The following LRRC4C variants were observed in gnomAD, a reference collection of about 807,000 sequenced individuals.
LRRC4C encodes leucine rich repeat containing 4C.
In LRRC4C, 5 loss-of-function variants were observed where a neutral mutation model predicts 33.6. That is an observed-to-expected ratio of 0.15 (90% CI 0.08 to 0.31). The LOEUF is 0.31. Among genes scored for constraint, LRRC4C ranks in the 10% least tolerant of loss-of-function variants. The probability of loss-of-function intolerance (pLI) is 1.00; values close to 1 mark genes in which losing one functional copy is unlikely to be tolerated. For synonymous variants in LRRC4C, 329 were observed against 302.0 expected, an observed-to-expected ratio of 1.09 and a Z score of -0.93; for missense variants, 560 against 796.7, an observed-to-expected ratio of 0.70 and a Z score of 3.58.
intron 3 of LRRC4C, among the ~76,000 whole-genome samples, chr11:40,611,264 A>G (rs1591270451): frequency 2.0e-5 from 3 of 152,050 alleles, no homozygotes; most frequent in South Asian, 4.1e-4. Context: ...AGACTACACA[A>G]TGGGGAAAGG....
chr11:41,041,362 A>C (rs1327149253), intron 1 of LRRC4C, among the ~76,000 whole-genome samples: 1 of 152,202 alleles, frequency 6.6e-6, no homozygotes, highest in Non-Finnish European at 1.5e-5. Flanking sequence ...GAAAGGATAT[A>C]AAAGTTACAT....
chr11:40,522,705 C>T (rs1476403129), intron 3 of LRRC4C, among the ~76,000 whole-genome samples: 1 of 152,150 alleles, frequency 6.6e-6, no homozygotes, highest in Non-Finnish European at 1.5e-5. Context: ...ACTAACTCCC[C>T]ATTTCCCCTA....
intron 1 of LRRC4C, among the ~76,000 whole-genome samples, chr11:40,988,936 G>A (rs1331389120): frequency 2.0e-5 from 3 of 151,904 alleles, no homozygotes; most frequent in South Asian, 4.2e-4. Context: ...TAGCCAGGAT[G>A]GTCGCGATCT....
chr11:40,464,709 A>C (rs1439345806), intron 3 of LRRC4C, among the ~76,000 whole-genome samples: 1 of 152,012 alleles, frequency 6.6e-6, no homozygotes, highest in Non-Finnish European at 1.5e-5. Context: ...CAAATCAATC[A>C]GTCAATCCCT....
At chr11:40,397,947 C>T (rs1167457057) in intron 3 of LRRC4C, among the ~76,000 whole-genome samples, 1 of 151,964 alleles carries the variant, frequency 6.6e-6, no homozygotes, top group Non-Finnish European at 1.5e-5. Flanking sequence ...ACTGATCACC[C>T]TAATTTTTCC....
At chr11:41,040,069 C>G (rs556340480) in intron 1 of LRRC4C, among the ~76,000 whole-genome samples, 1 of 145,566 alleles carries the variant, frequency 6.9e-6, no homozygotes, top group Non-Finnish European at 1.5e-5. Flanking sequence ...ACCCAGGAGG[C>G]AGAGCTTGCA....
chr11:40,937,780 C>A (rs1957971339), intron 1 of LRRC4C, among the ~76,000 whole-genome samples: 1 of 151,948 alleles, frequency 6.6e-6, no homozygotes, highest in Non-Finnish European at 1.5e-5. Flanking sequence ...GTAGCTGGGA[C>A]AGAGGCACAT....
chr11:41,203,017 C>T (rs1048454790), intron 1 of LRRC4C, among the ~76,000 whole-genome samples: 1 of 152,184 alleles, frequency 6.6e-6, no homozygotes, highest in Non-Finnish European at 1.5e-5. Flanking sequence ...AACTCCTGAC[C>T]TCAGGTGATC....
At chr11:41,089,556 C>T (rs771689060) in intron 1 of LRRC4C, among the ~76,000 whole-genome samples, 5 of 151,900 alleles carry the variant, frequency 3.3e-5, no homozygotes, top group African/African-American at 9.7e-5. Flanking sequence ...TTCTATTCAA[C>T]GTAAGTGCAG....
At chr11:40,251,714 A>C (rs1247283472) in intron 4 of LRRC4C, among the ~76,000 whole-genome samples, 1 of 152,188 alleles carries the variant, frequency 6.6e-6, no homozygotes, top group Non-Finnish European at 1.5e-5. Context: ...TGAAAGAAAC[A>C]CCTTGGCTCT....
At chr11:40,385,826 C>A (rs1236620630) in intron 3 of LRRC4C, among the ~76,000 whole-genome samples, 1 of 149,134 alleles carries the variant, frequency 6.7e-6, no homozygotes, top group African/African-American at 2.4e-5. Context: ...GAGATCGTGC[C>A]ATTGTACTCC....
chr11:40,539,449 C>T (rs1259009959), intron 3 of LRRC4C, among the ~76,000 whole-genome samples: 3 of 152,066 alleles, frequency 2.0e-5, no homozygotes, highest in Admixed American at 6.6e-5. Flanking sequence ...CAAGCATAGC[C>T]TCTTTTCAAT....
intron 1 of LRRC4C, among the ~76,000 whole-genome samples, chr11:41,326,800 G>C (rs992973579): frequency 6.6e-6 from 1 of 152,130 alleles, no homozygotes; most frequent in African/African-American, 2.4e-5. Flanking sequence ...TCTATTGTAT[G>C]TGTTAAGAAA....
intron 1 of LRRC4C, among the ~76,000 whole-genome samples, chr11:40,996,348 T>G (rs901717418): frequency 2.6e-5 from 4 of 151,736 alleles, no homozygotes; most frequent in African/African-American, 9.7e-5. Context: ...TATTTTCAGG[T>G]TTTTCACTGC....
intron 4 of LRRC4C, among the ~76,000 whole-genome samples, chr11:40,287,256 A>ATGTGTGTGTGTGTG (rs5791367): frequency 1.5e-4 from 22 of 144,876 alleles, no homozygotes; most frequent in African/African-American, 4.1e-4. Flanking sequence ...ATGTCACTGT[A>ATGTGTGTGTGTGTG]TGTGTGTGTG....
chr11:40,274,466 C>CACACAG (rs1432673518), intron 4 of LRRC4C, among the ~76,000 whole-genome samples: 2 of 148,856 alleles, frequency 1.3e-5, no homozygotes, highest in African/African-American at 2.5e-5. Context: ...CACACACACA[C>CACACAG]AGAAACCACA....
At chr11:40,163,966 G>T (rs989353485) in intron 5 of LRRC4C, among the ~76,000 whole-genome samples, 1 of 152,156 alleles carries the variant, frequency 6.6e-6, no homozygotes, top group Non-Finnish European at 1.5e-5. Context: ...ATGGGAAGTT[G>T]CACATATGAT....
intron 1 of LRRC4C, among the ~76,000 whole-genome samples, chr11:41,373,869 C>T (rs72896532): frequency 0.017 from 2,637 of 152,244 alleles, 22 homozygotes; most frequent in Non-Finnish European, 0.027. Flanking sequence ...ATCTTACTAA[C>T]GTCCAATATT....
intron 2 of LRRC4C, among the ~76,000 whole-genome samples, chr11:40,665,325 A>AAAAAT (rs1943712197): frequency 1.5e-4 from 2 of 13,454 alleles, no homozygotes; most frequent in Non-Finnish European, 2.7e-4. Context: ...AAAAAAAAAA[A>AAAAAT]ATATATATAT....
Sources: gnomAD v4.1 joint callset for allele counts (sites outside exome capture counted in the v4.1 genomes callset) on GRCh38, gnomAD v4.1.1 for gene constraint, MANE v1.5 for transcripts, NCBI Gene and HGNC (gene_info 2026-07-23, HGNC 2026-07-21) for gene names.